Variants in GRM3 observed in about 807,000 individuals in gnomAD.
GRM3 encodes metabotropic glutamate receptor 3.
Under a neutral mutation model 70.5 loss-of-function variants are expected in GRM3, and 26 were observed. The ratio of observed to expected loss-of-function variants is 0.37; its 90% CI spans 0.27 to 0.51. GRM3 has a LOEUF of 0.51. Ranked by LOEUF, GRM3 falls within the 20% of genes least tolerant of loss-of-function variation. The probability of loss-of-function intolerance (pLI) is 0.93; values close to 1 mark genes in which losing one functional copy is unlikely to be tolerated. For synonymous variants in GRM3, 443 were observed against 434.9 expected, an observed-to-expected ratio of 1.02 and a Z score of -0.23; for missense variants, 859 against 1,123.8, an observed-to-expected ratio of 0.76 and a Z score of 3.37.
chr7:86,720,910 A>T (rs1234066422), intron 1 of GRM3, among the ~76,000 whole-genome samples: 1 of 152,102 alleles, frequency 6.6e-6, no homozygotes, highest in African/African-American at 2.4e-5. Context: ...TGAGGTAGAG[A>T]TACTCAGACA....
intron 3 of GRM3, among the ~76,000 whole-genome samples, chr7:86,797,448 C>T (rs554530458): frequency 2.8e-4 from 42 of 152,264 alleles, no homozygotes; most frequent in African/African-American, 9.1e-4. Context: ...ATTTGTGGAG[C>T]TTTGAACTTG....
intron 1 of GRM3, among the ~76,000 whole-genome samples, chr7:86,653,539 T>C (rs905653966): frequency 6.6e-6 from 1 of 152,206 alleles, no homozygotes; most frequent in African/African-American, 2.4e-5. Flanking sequence ...TTTCTAGAAA[T>C]GTCCTATTAT....
At chr7:86,852,605 T>A (rs1039238628) in intron 5 of GRM3, among the ~76,000 whole-genome samples, 1 of 152,148 alleles carries the variant, frequency 6.6e-6, no homozygotes, top group Non-Finnish European at 1.5e-5. Flanking sequence ...AATAAACTTT[T>A]TTTTAAAAAA....
At chr7:86,844,904 TC>T (rs1798626445) in intron 4 of GRM3, among the ~76,000 whole-genome samples, 2 of 152,174 alleles carry the variant, frequency 1.3e-5, no homozygotes, top group African/African-American at 4.8e-5. Flanking sequence ...CTTTTTTTTT[TC>T]TTAGATGGAG....
intron 1 of GRM3, among the ~76,000 whole-genome samples, chr7:86,723,339 T>C (rs1396328008): frequency 1.3e-5 from 2 of 152,136 alleles, no homozygotes; most frequent in Non-Finnish European, 2.9e-5. Flanking sequence ...CTCTAGAGAA[T>C]GCTGGCAAGT....
chr7:86,731,437 A>G (rs1450864778), intron 1 of GRM3, among the ~76,000 whole-genome samples: 1 of 152,202 alleles, frequency 6.6e-6, no homozygotes, highest in Non-Finnish European at 1.5e-5. Flanking sequence ...AAAACTACAT[A>G]GATCTTGCTT....
At chr7:86,801,657 G>A (rs1469278420) in intron 3 of GRM3, among the ~76,000 whole-genome samples, 1 of 152,102 alleles carries the variant, frequency 6.6e-6, no homozygotes, top group Non-Finnish European at 1.5e-5. Flanking sequence ...AACTAGTAAG[G>A]GCAATAAGAG....
intron 1 of GRM3, among the ~76,000 whole-genome samples, chr7:86,710,952 C>T (rs1795184445): frequency 6.6e-6 from 1 of 152,064 alleles, no homozygotes; most frequent in Non-Finnish European, 1.5e-5. Context: ...GCCCCTGTTC[C>T]TCCTATCCAG....
intron 5 of GRM3, among the ~76,000 whole-genome samples, chr7:86,854,788 A>G (rs1200838417): frequency 6.6e-6 from 1 of 152,194 alleles, no homozygotes; most frequent in African/African-American, 2.4e-5. Flanking sequence ...TCATCCACTG[A>G]TATCAGTGCA....
chr7:86,822,946 T>C (rs1798151525), intron 3 of GRM3, among the ~76,000 whole-genome samples: 1 of 152,176 alleles, frequency 6.6e-6, no homozygotes, highest in African/African-American at 2.4e-5. Flanking sequence ...TCTTAGAATA[T>C]TGATTTTTAT....
At chr7:86,741,268 C>T (rs1000020645) in intron 1 of GRM3, among the ~76,000 whole-genome samples, 13 of 152,108 alleles carry the variant, frequency 8.5e-5, no homozygotes, top group Admixed American at 6.6e-4. Flanking sequence ...CTTACATACA[C>T]GGTATTCCAG....
intron 3 of GRM3, among the ~76,000 whole-genome samples, chr7:86,823,582 A>ATT (rs35792615): frequency 0.01 from 446 of 43,096 alleles, 5 homozygotes; most frequent in East Asian, 0.014. Context: ...TGTGTGAGGT[A>ATT]TTTTTTTTTT....
intron 3 of GRM3, among the ~76,000 whole-genome samples, chr7:86,822,109 T>C (rs868177297): frequency 6.6e-6 from 1 of 152,116 alleles, no homozygotes; most frequent in South Asian, 2.1e-4. Flanking sequence ...TCTTTCTCTC[T>C]CTCAAGAGAA....
rs200833128 is a variant in GRM3 at position 86,852,601 on chromosome 7, CT to C, written c.2566+2065del. On this transcript the variant is annotated intron_variant, in intron 5 of 5. Transcript: ENST00000361669. ...TCTTGTTAATAAAATTATAAATAAA[CT>C]TTTTTTTAAAAAAGGTCTAAATTCA... is the stretch of plus-strand genomic sequence containing the variant. 2.0e-3 allele frequency among the ~76,000 whole-genome samples: 297 copies of C among 152,038 alleles called. 5 individuals are homozygous for C. The East Asian group carries it at 0.027, about 14-fold the overall frequency.
rs112997026 is a variant in GRM3 at position 86,848,030 on chromosome 7, T to C, written c.2392-2340T>C. 1.7e-3 allele frequency among the ~76,000 whole-genome samples: 258 copies of C among 152,302 alleles called. 3 individuals carry two copies. Among genetic ancestry groups the C allele is most frequent in the African/African-American group, 5.8e-3 (242 of 41,572 alleles). ...TGGGATGGAAATTCCTGTGCACGTA[T>C]TCAAACACCAAATGTTCACTACATG... On this transcript the variant is annotated intron_variant, in intron 4 of 5. Coordinates refer to ENST00000361669, the MANE Select transcript of GRM3 (RefSeq NM_000840.3).
intron 3 of GRM3, among the ~76,000 whole-genome samples, chr7:86,821,610 AG>A (rs1411854426): frequency 6.6e-6 from 1 of 152,190 alleles, no homozygotes; most frequent in Non-Finnish European, 1.5e-5. Context: ...GTCAGACTCC[AG>A]GGGAAAATGA....
chr7:86,827,887 C>A (rs937762895), intron 3 of GRM3, among the ~76,000 whole-genome samples: 9 of 151,950 alleles, frequency 5.9e-5, no homozygotes, highest in African/African-American at 1.9e-4. Flanking sequence ...CCAAGGCGGG[C>A]GGAACACAAG....
intron 5 of GRM3, among the ~76,000 whole-genome samples, chr7:86,853,245 A>G (rs1045540581): frequency 1.3e-5 from 2 of 152,236 alleles, no homozygotes; most frequent in African/African-American, 4.8e-5. Context: ...AAGGTAAGTC[A>G]TGAAGAGTTA....
chr7:86,856,299 A>G (rs1438256085), intron 5 of GRM3, among the ~76,000 whole-genome samples: 1 of 151,920 alleles, frequency 6.6e-6, no homozygotes, highest in East Asian at 1.9e-4. Flanking sequence ...TACAAAAATT[A>G]GCCAGGCATG....
Sources: gnomAD v4.1 joint callset for allele counts (sites outside exome capture counted in the v4.1 genomes callset) on GRCh38, gnomAD v4.1.1 for gene constraint, MANE v1.5 for transcripts, NCBI Gene and HGNC (gene_info 2026-07-23, HGNC 2026-07-21) for gene names.